The following BCAS1 variants were observed in gnomAD, a reference collection of about 807,000 sequenced individuals.
The protein encoded by BCAS1 is brain enriched myelin associated protein 1.
BCAS1 carries 46 observed loss-of-function variants against 65.4 expected under a neutral mutation model. The ratio of observed to expected loss-of-function variants is 0.70; its 90% CI spans 0.55 to 0.90. The LOEUF is 0.90. BCAS1 is among the 40% of genes least tolerant of loss of function. The pLI is 0.00. For missense variants in BCAS1, 793 were observed against 771.2 expected (o/e 1.03, Z -0.33); for synonymous variants, 298 against 293.5 (o/e 1.02, Z -0.16).
chr20:54,037,414 G>C (rs967202555), intron 3 of BCAS1, among the ~76,000 whole-genome samples: 1 of 151,268 alleles, frequency 6.6e-6, no homozygotes, highest in South Asian at 2.1e-4. Context: ...TGACACGTGG[G>C]GATTATGGGG....
rs779908134 is a variant in BCAS1, at chr20:53,945,014, G to C, written c.1816-18C>G. ...TTTGGTCCCTGGAGAAAAACAGAAA[G>C]ACGTGGCAGCCTATTGAAGCTCTGT... is the stretch of plus-strand genomic sequence containing the variant. On this transcript the variant is annotated intron_variant, in intron 12 of 12. Coordinates refer to ENST00000688948, the MANE Select transcript of BCAS1 (RefSeq NM_001366298.2). The C allele has an allele frequency of 3.1e-6, 5 of 1,612,266 alleles. No homozygotes were observed. In the Admixed American group the frequency reaches 8.3e-5, roughly 27 times the overall value.
chr20:54,041,566 C>T (rs1420120637), intron 3 of BCAS1, among the ~76,000 whole-genome samples: 4 of 152,050 alleles, frequency 2.6e-5, no homozygotes, highest in South Asian at 4.2e-4. Flanking sequence ...CAATTGATGA[C>T]CCCAGTGGAA....
chr20:53,992,603 T>G lies in BCAS1; in HGVS notation c.971A>C (p.Lys324Thr). The change falls in exon 7 of 13, where the codon AAG (lysine) becomes ACG (threonine). Residue 324 changes from lysine to threonine, a missense_variant. Transcript: ENST00000688948. ...GCCTCTAGCCTGGATCTCGGATGTC[T>G]TCTGACCAGCTTGTCCATCACAGAC... is the stretch of plus-strand genomic sequence containing the variant. ...ESVCDGQAGQ[K>T]TSEIQARGTK... is the part of the protein sequence containing the mutation. The G allele has an allele frequency of 7.3e-7, 1 of 1,366,042 alleles. No individual in the cohort carries two copies. The highest frequency in any genetic ancestry group is 1.1e-5 in the South Asian group (1 of 88,008). The allele number at this position is 1,366,042 out of a possible 1,614,324, so 84.6% of individuals were successfully genotyped here. A position where few individuals can be genotyped will look rare whatever the true frequency, so the allele number is the denominator to read the frequency against.
chr20:53,984,180 T>G (rs966747330), intron 8 of BCAS1, among the ~76,000 whole-genome samples: 25 of 152,328 alleles, frequency 1.6e-4, no homozygotes, highest in African/African-American at 4.6e-4. Flanking sequence ...TATTCAGATA[T>G]GGGCCACTTA....
chr20:53,951,874 G>A (rs1292887218), intron 12 of BCAS1, among the ~76,000 whole-genome samples: 1 of 152,184 alleles, frequency 6.6e-6, no homozygotes, highest in Non-Finnish European at 1.5e-5. Context: ...AAGCTAATAA[G>A]GAACTATTAC....
chr20:53,995,762 TTC>T (rs1189707229), intron 5 of BCAS1, 128 bp downstream of exon 5: 1 of 1,078,950 alleles, frequency 9.3e-7, no homozygotes, highest in Non-Finnish European at 1.3e-6. Flanking sequence ...CTTGTCCCTG[TTC>T]TCTCCCATGC....
chr20:54,022,906 G>A (rs1233392436), intron 4 of BCAS1, among the ~76,000 whole-genome samples: 3 of 152,074 alleles, frequency 2.0e-5, no homozygotes, highest in Non-Finnish European at 4.4e-5. Flanking sequence ...CATATTAAGC[G>A]TTTCTTACTG....
intron 3 of BCAS1, among the ~76,000 whole-genome samples, chr20:54,032,744 A>G (rs1320506036): frequency 6.6e-6 from 1 of 151,306 alleles, no homozygotes; most frequent in Non-Finnish European, 1.5e-5. Flanking sequence ...TTGCATAAGG[A>G]TAAAGTGTTA....
intron 4 of BCAS1, among the ~76,000 whole-genome samples, chr20:54,012,548 A>G (rs564853827): frequency 6.6e-6 from 1 of 151,890 alleles, no homozygotes; most frequent in South Asian, 2.1e-4. Context: ...AACTTTTGGG[A>G]TCTGCAGTTA....
chr20:54,013,495 A>G (rs369688895), intron 4 of BCAS1, among the ~76,000 whole-genome samples: 194 of 152,362 alleles, frequency 1.3e-3, no homozygotes, highest in Admixed American at 2.7e-3. Flanking sequence ...ACAAGTATAA[A>G]CTAATTCAAT....
chr20:53,995,694 G>A (rs1208379524), intron 5 of BCAS1, among the ~76,000 whole-genome samples, 198 bp downstream of exon 5: 1 of 152,136 alleles, frequency 6.6e-6, no homozygotes, highest in African/African-American at 2.4e-5. Flanking sequence ...ATGGTTCCGA[G>A]CTTCAGGGGC....
chr20:53,964,104 A>C (rs1159507437), intron 10 of BCAS1, among the ~76,000 whole-genome samples: 2 of 152,248 alleles, frequency 1.3e-5, no homozygotes, highest in Non-Finnish European at 2.9e-5. Flanking sequence ...GAATGCATGA[A>C]ATGCAAAAAG....
At chr20:54,010,092 G>A (rs977569099) in intron 4 of BCAS1, among the ~76,000 whole-genome samples, 40 of 152,082 alleles carry the variant, frequency 2.6e-4, no homozygotes, top group African/African-American at 8.5e-4. Context: ...TGATAAAGAC[G>A]ATCTACAAAA....
At chr20:54,020,369 G>A (rs1021028438) in intron 4 of BCAS1, among the ~76,000 whole-genome samples, 8 of 152,014 alleles carry the variant, frequency 5.3e-5, no homozygotes, top group South Asian at 2.1e-4. Context: ...ATGGATTAAC[G>A]CCATGACATG....
intron 4 of BCAS1, among the ~76,000 whole-genome samples, chr20:54,018,248 T>C (rs913515056): frequency 1.4e-4 from 22 of 152,178 alleles, no homozygotes; most frequent in African/African-American, 5.3e-4. Flanking sequence ...TGTTTGCTTG[T>C]TAATTCTCTT....
At chr20:53,947,807 G>A (rs897385171) in intron 12 of BCAS1, among the ~76,000 whole-genome samples, 2 of 152,150 alleles carry the variant, frequency 1.3e-5, no homozygotes, top group African/African-American at 2.4e-5. Context: ...ATGGCACAGC[G>A]GTGCCCGACT....
Position 53,944,937 on chromosome 20 carries a change from A to G in BCAS1, c.1875T>C (p.Val625=). The G allele has an allele frequency of 3.1e-6, 5 of 1,614,112 alleles. No homozygotes were observed. The highest frequency in any genetic ancestry group is 4.2e-6 in the Non-Finnish European group (5 of 1,180,022). ...VQTDPVSIGP[V]GKSK is the part of the protein sequence containing the mutation. ...GCTGATTTGTTTACTTGGATTTGCC[A>G]ACTGGTCCGATGGATACTGGGTCTG... The change falls in exon 13 of 13, where the codon GTT becomes GTC. Residue 625 remains valine (V), a synonymous_variant. Coordinates refer to ENST00000688948, the MANE Select transcript of BCAS1 (RefSeq NM_001366298.2).
chr20:53,951,445 TG>T (rs2089522705), intron 12 of BCAS1, among the ~76,000 whole-genome samples: 1 of 152,228 alleles, frequency 6.6e-6, no homozygotes, highest in South Asian at 2.1e-4. Context: ...CACTCCAGCC[TG>T]GGCAACAAGA....
chr20:53,956,106 T>C (rs1185805925), intron 11 of BCAS1, among the ~76,000 whole-genome samples: 1 of 152,216 alleles, frequency 6.6e-6, no homozygotes, highest in Non-Finnish European at 1.5e-5. Flanking sequence ...TAGTAACATA[T>C]AGACACTGTT....
Sources: gnomAD v4.1 joint callset for allele counts (sites outside exome capture counted in the v4.1 genomes callset) on GRCh38, gnomAD v4.1.1 for gene constraint, MANE v1.5 for transcripts, NCBI Gene and HGNC (gene_info 2026-07-23, HGNC 2026-07-21) for gene names.